DDX60: variants seen among roughly 807,000 people sequenced by gnomAD.
DDX60 encodes DExD/H-box helicase 60.
DDX60 carries 165 observed loss-of-function variants against 212.8 expected under a neutral mutation model. That is an observed-to-expected ratio of 0.78 (90% CI 0.68 to 0.88). The LOEUF (loss-of-function observed/expected upper bound fraction) is 0.88, where lower values mean the gene tolerates loss of function less well. Among genes scored for constraint, DDX60 ranks in the 40% least tolerant of loss-of-function variants. DDX60 has a pLI of 0.00. For missense variants in DDX60, 1,905 were observed against 2,003.9 expected, an observed-to-expected ratio of 0.95 and a Z score of 0.94; for synonymous variants, 703 against 685.3, an observed-to-expected ratio of 1.03 and a Z score of -0.40.
intron 36 of DDX60, among the ~76,000 whole-genome samples, chr4:168,221,224 G>A (rs1174203432): frequency 1.3e-5 from 2 of 152,126 alleles, no homozygotes; most frequent in Admixed American, 1.3e-4. Context: ...CCAAATCTAT[G>A]TGCTCAGTGC....
At chr4:168,281,129 G>A (rs1735575741) in intron 13 of DDX60, among the ~76,000 whole-genome samples, 1 of 152,184 alleles carries the variant, frequency 6.6e-6, no homozygotes, top group South Asian at 2.1e-4. Context: ...GATGGAGCAG[G>A]ACTCTGTCTC....
intron 30 of DDX60, among the ~76,000 whole-genome samples, chr4:168,246,181 A>G (rs968828571): frequency 6.6e-6 from 1 of 152,208 alleles, no homozygotes; most frequent in Admixed American, 6.5e-5. Context: ...GAAAATAGTA[A>G]TCCTGGGTAA....
intron 28 of DDX60, among the ~76,000 whole-genome samples, chr4:168,250,109 T>C (rs1207685794): frequency 6.6e-6 from 1 of 152,238 alleles, no homozygotes; most frequent in Non-Finnish European, 1.5e-5. Flanking sequence ...ACACAAAACA[T>C]AGCAAGACTT....
chr4:168,292,051 T>A, intron 7 of DDX60, 145 bp from the exon 8 acceptor site: 1 of 358,180 alleles, frequency 2.8e-6, no homozygotes, highest in Non-Finnish European at 4.5e-6. Context: ...CTTTCTTTCT[T>A]TTTTTTTTTT....
intron 25 of DDX60, among the ~76,000 whole-genome samples, chr4:168,257,150 CAG>C (rs1239715723): frequency 6.6e-6 from 1 of 152,060 alleles, no homozygotes; most frequent in African/African-American, 2.4e-5. Flanking sequence ...CACAGTGACA[CAG>C]AATTCAAAAA....
chr4:168,281,962 T>C (rs1006792531), intron 13 of DDX60, among the ~76,000 whole-genome samples: 1 of 152,210 alleles, frequency 6.6e-6, no homozygotes, highest in Non-Finnish European at 1.5e-5. Context: ...CATTGTATTA[T>C]GTAACAAGAA....
In DDX60 at chr4:168,288,315, T is replaced by C; in HGVS notation, c.1042A>G (p.Lys348Glu). ...AEDMKPLLQM[K>E]KWCEYFILRN... The stretch of plus-strand genomic sequence containing the variant: ...AAGATGAAATATTCACACCACTTTT[T>C]CTGAAAATTGAAAAGAAAACCAAGT... Residue 348 changes from lysine to glutamate, a missense_variant and splice_region_variant, in exon 9 of 38, where the codon AAA becomes GAA. Lys to Glu is a moderately conservative substitution (Grantham distance 56). Transcript: ENST00000393743. The C allele has an allele frequency of 6.8e-7, 1 of 1,460,488 alleles. No homozygotes were observed. 90.5% of individuals were successfully genotyped at this position (1,460,488 alleles called of 1,614,324 possible). A position where few individuals can be genotyped will look rare whatever the true frequency, so the allele number is the denominator to read the frequency against.
intron 30 of DDX60, among the ~76,000 whole-genome samples, chr4:168,245,638 C>A (rs1180401747): frequency 6.6e-6 from 1 of 152,082 alleles, no homozygotes; most frequent in Non-Finnish European, 1.5e-5. Flanking sequence ...CTAGAAGAAT[C>A]CCCCCTTCAG....
chr4:168,301,208 TAAAG>T (rs1257857656), intron 6 of DDX60, among the ~76,000 whole-genome samples: 1 of 151,998 alleles, frequency 6.6e-6, no homozygotes, highest in Admixed American at 6.6e-5. Flanking sequence ...AAATTAAAAA[TAAAG>T]AAAGGGGAGG....
At chr4:168,311,973 T>C (rs1037538730) in intron 1 of DDX60, among the ~76,000 whole-genome samples, 2 of 152,170 alleles carry the variant, frequency 1.3e-5, no homozygotes, top group African/African-American at 4.8e-5. Flanking sequence ...AGCTTCTTAG[T>C]AGAGCAGAAA....
At chr4:168,237,822 A>T (rs1483715796) in intron 30 of DDX60, 27 bp from the exon 31 acceptor site, 2 of 1,528,862 alleles carry the variant, frequency 1.3e-6, no homozygotes, top group South Asian at 1.2e-5. Context: ...ATTTTTAGAC[A>T]CACAATGTTA....
rs61439775 is a variant in DDX60, at chr4:168,312,727, C to CAGATAGATAGATAGAT, written c.-106-1378_-106-1363dup. On this transcript the variant is annotated intron_variant, in intron 1 of 37. Transcript: ENST00000393743. ...TAGATAGATATAGATGATGGATACA[C>CAGATAGATAGATAGAT]AGATAGATAGATAGATAGATATGAT... Among the ~76,000 whole-genome samples, 1,019 of 150,054 alleles carry CAGATAGATAGATAGAT rather than the reference C, an allele frequency of 6.8e-3. 6 individuals carry two copies. The highest frequency in any genetic ancestry group is 9.8e-3 in the Non-Finnish European group (664 of 67,592).
At chr4:168,219,158 G>A (rs1359679351) in intron 37 of DDX60, among the ~76,000 whole-genome samples, 2 of 151,798 alleles carry the variant, frequency 1.3e-5, no homozygotes, top group Admixed American at 6.6e-5. Flanking sequence ...CAGGCATGGT[G>A]GTATACACCT....
At chr4:168,229,502 A>G (rs1733372327) in intron 33 of DDX60, among the ~76,000 whole-genome samples, 2 of 151,964 alleles carry the variant, frequency 1.3e-5, no homozygotes, top group African/African-American at 4.8e-5. Flanking sequence ...TCCTGGACAG[A>G]ACCTGGGGCA....
chr4:168,247,787 G>A (rs1352654055), intron 29 of DDX60, among the ~76,000 whole-genome samples: 2 of 152,202 alleles, frequency 1.3e-5, no homozygotes, highest in Non-Finnish European at 1.5e-5. Flanking sequence ...TAAAGATGAG[G>A]TCAGCATTAA....
chr4:168,230,635 T>C (rs1193358485), intron 33 of DDX60, among the ~76,000 whole-genome samples: 1 of 152,050 alleles, frequency 6.6e-6, no homozygotes, highest in East Asian at 1.9e-4. Flanking sequence ...AGTCTTTGAA[T>C]TGAACAGTAT....
intron 22 of DDX60, among the ~76,000 whole-genome samples, chr4:168,264,474 T>C (rs1456712449): frequency 3.9e-5 from 6 of 152,210 alleles, no homozygotes; most frequent in Non-Finnish European, 8.8e-5. Context: ...ATTCGACCTA[T>C]CTAAAATAAA....
intron 5 of DDX60, among the ~76,000 whole-genome samples, chr4:168,304,652 G>A (rs1200333964): frequency 6.6e-6 from 1 of 152,034 alleles, no homozygotes; most frequent in African/African-American, 2.4e-5. Flanking sequence ...AGTGAGCTGT[G>A]ATCACATCAC....
chr4:168,284,255 G>A (rs988496876), intron 12 of DDX60, among the ~76,000 whole-genome samples: 1 of 152,136 alleles, frequency 6.6e-6, no homozygotes, highest in African/African-American at 2.4e-5. Flanking sequence ...GTACTTCACA[G>A]GAGCATACTT....
Sources: allele counts gnomAD v4.1 joint callset (sites outside exome capture counted in the v4.1 genomes callset), GRCh38; gene constraint gnomAD v4.1.1; transcripts MANE v1.5; gene names NCBI Gene and HGNC (gene_info 2026-07-23, HGNC 2026-07-21).